Variants in SERPINA10 observed in about 807,000 individuals in gnomAD.
SERPINA10 encodes protein Z-dependent protease inhibitor.
A neutral mutation model predicts 28.0 loss-of-function variants in SERPINA10; 24 were observed. The observed-to-expected ratio is 0.86, with a 90% CI of 0.62 to 1.20. The LOEUF (loss-of-function observed/expected upper bound fraction) is 1.20. Ranked by LOEUF, SERPINA10 falls within the 50% of genes most tolerant of loss-of-function variation. The pLI, the probability that SERPINA10 is intolerant of heterozygous loss-of-function variation, is 0.00. For missense variants in SERPINA10, 521 were observed against 537.7 expected (o/e 0.97, Z 0.31); for synonymous variants, 207 against 203.9 (o/e 1.02, Z -0.13).
At chr14:94,292,677 A>G in intron 1 of SERPINA10, 2 of 701,800 alleles carry the variant, frequency 2.8e-6, no homozygotes, top group South Asian at 1.5e-5. Flanking sequence ...GCTCCTGGAC[A>G]TATATCGCCT....
rs950807934 is a variant in SERPINA10 at position 94,292,605 on chromosome 14, T to G, written c.-51+584A>C. On this transcript the variant is annotated intron_variant, in intron 1 of 4. Coordinates refer to ENST00000261994, the MANE Select transcript of SERPINA10 (RefSeq NM_001100607.3). ...TGTCACCACCTCCAAATGCTGAGTC[T>G]TACCTTCCTGTTCTTGGAGCTTGTC... 24 of 701,584 alleles carry G rather than the reference T, an allele frequency of 3.4e-5. No homozygotes were observed. The African/African-American group carries it at 4.2e-4, about 12-fold the overall frequency. 43.5% of individuals were successfully genotyped at this position (701,584 alleles called of 1,614,324 possible). A position where few individuals can be genotyped will look rare whatever the true frequency, so the allele number is the denominator to read the frequency against.
chr14:94,286,348 A>G (rs893086326), intron 3 of SERPINA10, 90 bp from the exon 4 acceptor site: 3 of 1,381,606 alleles, frequency 2.2e-6, no homozygotes, highest in Non-Finnish European at 3.1e-6. Context: ...CTTTAAGATT[A>G]TTTCCATTAA....
chr14:94,284,294 G>A (rs552274923), intron 4 of SERPINA10, 138 bp from the exon 5 acceptor site: 70 of 788,020 alleles, frequency 8.9e-5, no homozygotes, highest in Non-Finnish European at 1.1e-4. Flanking sequence ...GCCCATCTAC[G>A]TTAAGAGGAG....
At chr14:94,289,484 G>T (rs931516355) in intron 2 of SERPINA10, among the ~76,000 whole-genome samples, 2 of 152,196 alleles carry the variant, frequency 1.3e-5, no homozygotes, top group Non-Finnish European at 2.9e-5. Context: ...CACTGTAGTA[G>T]GTGGAGTGTC....
chr14:94,293,243 C>G lies in SERPINA10; in HGVS notation c.-105G>C, dbSNP rs1184467509. The G allele has an allele frequency of 6.5e-6, 1 of 152,730 alleles. No individual in the cohort carries two copies. Among genetic ancestry groups the G allele is most frequent in the East Asian group, 1.9e-4 (1 of 5,182 alleles). 9.5% of individuals were successfully genotyped at this position (152,730 alleles called of 1,614,324 possible). A position where few individuals can be genotyped will look rare whatever the true frequency, so the allele number is the denominator to read the frequency against. On this transcript the variant is annotated 5_prime_UTR_variant, in exon 1 of 5. Coordinates refer to ENST00000261994, the MANE Select transcript of SERPINA10 (RefSeq NM_001100607.3). ...CCTTCATTTAGAGCAGAAACCAAAG[C>G]TTCAGCTTTGCAGCCCAGAACCTTC...
chr14:94,285,986 G>A, intron 4 of SERPINA10, 122 bp downstream of exon 4: 2 of 1,209,010 alleles, frequency 1.7e-6, no homozygotes, highest in Non-Finnish European at 2.4e-6. Flanking sequence ...CAAGTATTTG[G>A]GACTTAAATC....
chr14:94,284,242 G>A, intron 4 of SERPINA10, 86 bp from the exon 5 acceptor site: 1 of 1,206,940 alleles, frequency 8.3e-7, no homozygotes, highest in Non-Finnish European at 1.2e-6. Flanking sequence ...CTTCACAGTG[G>A]TCCTACCCAT....
Position 94,290,457 on chromosome 14 carries a change from T to G in SERPINA10, c.137A>C (p.Lys46Thr). 3.1e-6 allele frequency: 5 copies of G among 1,613,040 alleles called. No homozygotes were observed. Among genetic ancestry groups the G allele is most frequent in the Non-Finnish European group, 4.2e-6 (5 of 1,179,440 alleles). Reference protein sequence around the residue: ...NQTSRVVQAPKEEEEDEQEAS... With the variant: ...NQTSRVVQAPTEEEEDEQEAS... Reference sequence around the variant, plus strand: ...CTCCTGCTCATCTTCCTCTTCCTCCTTGGGAGCCTGCACTACCCTGCTGGT... The same window carrying G: ...CTCCTGCTCATCTTCCTCTTCCTCCGTGGGAGCCTGCACTACCCTGCTGGT... Residue 46 changes from lysine (K) to threonine (T), a missense_variant, in exon 2 of 5, where the codon AAG (lysine) becomes ACG (threonine). Transcript: ENST00000261994.
Position 94,290,029 on chromosome 14 carries a change from CTG to C in SERPINA10, c.563_564del (p.Thr188ArgfsTer22), listed in dbSNP as rs755422924. 17 of 1,614,128 alleles carry C rather than the reference CTG, an allele frequency of 1.1e-5. No individual in the cohort carries two copies. The highest frequency in any genetic ancestry group is 1.4e-5 in the Non-Finnish European group (17 of 1,180,052). On this transcript the variant is annotated frameshift_variant, in exon 2 of 5. Coordinates refer to ENST00000261994, the MANE Select transcript of SERPINA10 (RefSeq NM_001100607.3). LOFTEE classifies it high-confidence loss of function. The stretch of plus-strand genomic sequence containing the variant: ...TTGCGAAAATTCATAGGCACGCACT[CTG>C]TATCAAAATACCTCTTGGATAAATT... ...FFNLSKRYFD[T>X]ECVPMNFRNA...
chr14:94,280,886 A>G lies in SERPINA10; in HGVS notation c.*3079T>C, dbSNP rs549287037. The G allele has an allele frequency of 3.3e-5, 5 of 152,318 alleles. No individual in the cohort carries two copies. Among genetic ancestry groups the G allele is most frequent in the Admixed American group, 1.3e-4 (2 of 15,294 alleles). The allele number at this position is 152,318 out of a possible 1,614,324, so 9.4% of individuals were successfully genotyped here. A position where few individuals can be genotyped will look rare whatever the true frequency, so the allele number is the denominator to read the frequency against. Reference sequence around the variant, plus strand: ...AAAGTTTTTCTTTATAACCTCTTACACATTTAAAAAATCATTTCTATTATT... The same window carrying G: ...AAAGTTTTTCTTTATAACCTCTTACGCATTTAAAAAATCATTTCTATTATT... On this transcript the variant is annotated 3_prime_UTR_variant, in exon 5 of 5. Transcript: ENST00000261994.
Position 94,281,598 on chromosome 14 carries a change from G to T in SERPINA10, c.*2367C>A, listed in dbSNP as rs1285440308. 1 of 152,176 alleles carries T rather than the reference G, an allele frequency of 6.6e-6. No homozygotes were observed. Among genetic ancestry groups the T allele is most frequent in the Non-Finnish European group, 1.5e-5 (1 of 68,034 alleles). The allele number at this position is 152,176 out of a possible 1,614,324, so 9.4% of individuals were successfully genotyped here. On this transcript the variant is annotated 3_prime_UTR_variant, in exon 5 of 5. Transcript: ENST00000261994. ...TGGTCTGCGTTTTTCTGTCATGCCTGTGTACTTGGGAAATCTGAAACTGAG... is the reference window on the plus strand; with the variant it reads ...TGGTCTGCGTTTTTCTGTCATGCCTTTGTACTTGGGAAATCTGAAACTGAG...
At chr14:94,286,026 C>G in intron 4 of SERPINA10, 82 bp downstream of exon 4, 1 of 1,540,490 alleles carries the variant, frequency 6.5e-7, no homozygotes, top group Non-Finnish European at 8.9e-7. Flanking sequence ...GGTATTTTAT[C>G]AAAGTTAAAT....
At chr14:94,289,650 A>G (rs561649157) in intron 2 of SERPINA10, among the ~76,000 whole-genome samples, 1 of 152,134 alleles carries the variant, frequency 6.6e-6, no homozygotes, top group Non-Finnish European at 1.5e-5. Context: ...AGCTATGTAG[A>G]GTGCTCTGAA....
intron 2 of SERPINA10, 89 bp downstream of exon 2, chr14:94,289,787 C>T (rs1200434845): frequency 4.1e-5 from 55 of 1,342,350 alleles, no homozygotes; most frequent in Non-Finnish European, 5.3e-5. Flanking sequence ...AATCACGTAG[C>T]GTTAATCATA....
intron 4 of SERPINA10, among the ~76,000 whole-genome samples, chr14:94,285,901 T>A (rs1285214965): frequency 6.6e-6 from 1 of 152,214 alleles, no homozygotes; most frequent in Admixed American, 6.5e-5. Flanking sequence ...GAGGTCTGCT[T>A]AAAATAAATT....
rs7143138 is a variant in SERPINA10 at position 94,281,164 on chromosome 14, T to A, written c.*2801A>T. On this transcript the variant is annotated 3_prime_UTR_variant, in exon 5 of 5. Transcript: ENST00000261994. ...TTAAGACTCGACACTTGGCCGGGCG[T>A]GGTGGCTCATGCCTGTAATCCCAGC... 9.8e-5 allele frequency: 15 copies of A among 152,452 alleles called. No homozygotes were observed. Among genetic ancestry groups the A allele is most frequent in the South Asian group, 2.1e-4 (1 of 4,830 alleles). 9.4% of individuals were successfully genotyped at this position (152,452 alleles called of 1,614,324 possible).
rs145648775 is a variant in SERPINA10 at position 94,284,024 on chromosome 14, C to T, written c.1276G>A (p.Glu426Lys). The change falls in exon 5 of 5, where the codon GAA becomes AAA. Residue 426 changes from glutamate to lysine, a missense_variant. By Grantham distance (56) the Glu-to-Lys change is moderately conservative. Transcript: ENST00000261994. Reference sequence around the variant, plus strand: ...AACAGAAGCATTCCAGAGGTTTCTTCATAGATCATGAAATGAAATGGCCGG... The same window carrying T: ...AACAGAAGCATTCCAGAGGTTTCTTTATAGATCATGAAATGAAATGGCCGG... ...VDRPFHFMIY[E>K]ETSGMLLFLG... 1.0e-3 allele frequency: 1,681 copies of T among 1,614,156 alleles called. 29 individuals carry two copies. In the South Asian group the frequency reaches 0.013, roughly 13 times the overall value.
In SERPINA10 at chr14:94,290,402, C is replaced by G. The variant is rs143455939; in HGVS notation, c.192G>C (p.Glu64Asp). The change falls in exon 2 of 5, where the codon GAG becomes GAC. Residue 64 changes from glutamate (E) to aspartate (D), a missense_variant. Physicochemically the swap from Glu to Asp is conservative, Grantham distance 45 (BLOSUM62 2). Transcript: ENST00000261994. The part of the protein sequence containing the change: ...EASEEKASEE[E>D]KAWLMASRQQ... Reference sequence around the variant, plus strand: ...GCCTGCTGGCCATCAGCCAGGCTTTCTCTTCCTCACTGGCCTTCTCCTCGC... The same window carrying G: ...GCCTGCTGGCCATCAGCCAGGCTTTGTCTTCCTCACTGGCCTTCTCCTCGC... 3 of 1,614,174 alleles carry G rather than the reference C, an allele frequency of 1.9e-6. No individual in the cohort carries two copies. The highest frequency in any genetic ancestry group is 2.5e-6 in the Non-Finnish European group (3 of 1,180,010).
In SERPINA10 at chr14:94,289,925, C is replaced by T. The variant is rs949430793; in HGVS notation, c.669G>A (p.Glu223=). The change falls in exon 2 of 5, where the codon GAG becomes GAA. Residue 223 remains glutamate (E), a synonymous_variant. Transcript: ENST00000261994. ...GAATTAATTTGGTTTCAGGATTAATCTCATCAAACAGTTTGGGAATTTTCC... is the reference window on the plus strand; with the variant it reads ...GAATTAATTTGGTTTCAGGATTAATTTCATCAAACAGTTTGGGAATTTTCC... ...TRGKIPKLFD[E]INPETKLILV... is the part of the protein sequence containing the mutation. 4 of 1,614,054 alleles carry T rather than the reference C, an allele frequency of 2.5e-6. No homozygotes were observed. The Admixed American group carries it at 5.0e-5, about 20-fold the overall frequency.
Sources: allele counts gnomAD v4.1 joint callset (sites outside exome capture counted in the v4.1 genomes callset), GRCh38; gene constraint gnomAD v4.1.1; transcripts MANE v1.5; gene names NCBI Gene and HGNC (gene_info 2026-07-23, HGNC 2026-07-21).